DNAJC3: variants seen among roughly 807,000 people sequenced by gnomAD.
DNAJC3 encodes the protein dnaJ homolog subfamily C member 3.
In DNAJC3, 38 loss-of-function variants were observed where a neutral mutation model predicts 68.6. The observed-to-expected ratio is 0.55, with a 90% CI of 0.43 to 0.73. DNAJC3 has a LOEUF of 0.73. DNAJC3 is among the 30% of genes least tolerant of loss of function. The pLI, the probability that DNAJC3 is intolerant of heterozygous loss-of-function variation, is 0.00. For missense variants in DNAJC3, 526 were observed against 591.9 expected, an observed-to-expected ratio of 0.89 and a Z score of 1.16; for synonymous variants, 203 against 204.0, an observed-to-expected ratio of 1.00 and a Z score of 0.04.
intron 4 of DNAJC3, among the ~76,000 whole-genome samples, chr13:95,755,743 C>T (rs57164385): frequency 0.016 from 1,783 of 113,140 alleles, 45 homozygotes; most frequent in African/African-American, 0.06. Context: ...GGTGACAGAG[C>T]GAGACGCCGT....
At chr13:95,729,203 T>TTTCTC (rs1881625703) in intron 4 of DNAJC3, among the ~76,000 whole-genome samples, 6 of 113,906 alleles carry the variant, frequency 5.3e-5, no homozygotes, top group African/African-American at 1.9e-4. Context: ...CTCTCTCTCT[T>TTTCTC]TCTCTCTCTC....
chr13:95,760,369 T>C (rs1882787407), intron 6 of DNAJC3, 148 bp downstream of exon 6: 1 of 821,538 alleles, frequency 1.2e-6, no homozygotes, highest in Non-Finnish European at 1.7e-6. Context: ...ATATTTTGTG[T>C]TATTCCCAAG....
Position 95,785,929 on chromosome 13 carries a change from AT to A in DNAJC3, c.1076-6del. ...GCCTTAACAATATTATCTTAAACAT[AT>A]TTTGACAGCTATTCAGGATTATGAA... On this transcript the variant is annotated splice_polypyrimidine_tract_variant and intron_variant, in intron 9 of 11. Transcript: ENST00000602402. The A allele has an allele frequency of 6.3e-7, 1 of 1,575,158 alleles. No individual in the cohort carries two copies. The highest frequency in any genetic ancestry group is 8.6e-7 in the Non-Finnish European group (1 of 1,167,218).
chr13:95,779,285 G>A (rs1251907074), intron 9 of DNAJC3, among the ~76,000 whole-genome samples: 3 of 151,400 alleles, frequency 2.0e-5, no homozygotes, highest in South Asian at 2.1e-4. Context: ...CACCATACCC[G>A]GCTAATTTTT....
At chr13:95,770,599 G>A (rs544796995) in intron 9 of DNAJC3, among the ~76,000 whole-genome samples, 22 of 152,230 alleles carry the variant, frequency 1.4e-4, no homozygotes, top group South Asian at 4.2e-4. Context: ...GACAAATTAC[G>A]TCCCCTGTAT....
chr13:95,678,301 A>T (rs1402072428), intron 1 of DNAJC3, among the ~76,000 whole-genome samples: 2 of 148,266 alleles, frequency 1.3e-5, no homozygotes, highest in African/African-American at 5.3e-5. Context: ...TGAGTATTCC[A>T]TTCAAAGGGA....
rs530361392 is a variant in DNAJC3, at chr13:95,698,598, G to A, written c.83-10629G>A. ...GGGGCTCGTGACTCTCAGTGCAGAT[G>A]CACAGTGTTGTCTGTCTCCAGGCCA... On this transcript the variant is annotated intron_variant, in intron 1 of 11. Coordinates refer to ENST00000602402, the MANE Select transcript of DNAJC3 (RefSeq NM_006260.5). Among the ~76,000 whole-genome samples the A allele has an allele frequency of 2.0e-5, 3 of 152,282 alleles. No homozygotes were observed. The South Asian group carries it at 6.2e-4, about 32-fold the overall frequency.
At chr13:95,769,377 G>C (rs1594018864) in intron 9 of DNAJC3, among the ~76,000 whole-genome samples, 1 of 152,170 alleles carries the variant, frequency 6.6e-6, no homozygotes, top group Non-Finnish European at 1.5e-5. Context: ...TTATGTGGAG[G>C]ACAAGGGGTA....
intron 4 of DNAJC3, among the ~76,000 whole-genome samples, chr13:95,746,324 A>T (rs1190581469): frequency 6.6e-6 from 1 of 152,198 alleles, no homozygotes; most frequent in Non-Finnish European, 1.5e-5. Context: ...AACTGATAAC[A>T]CTGATTACCT....
intron 1 of DNAJC3, among the ~76,000 whole-genome samples, chr13:95,704,049 A>G (rs910778088): frequency 5.9e-5 from 9 of 152,066 alleles, no homozygotes; most frequent in African/African-American, 2.2e-4. Flanking sequence ...ATTCGGATTC[A>G]TTTTTCCAAC....
intron 4 of DNAJC3, 113 bp from the exon 5 acceptor site, chr13:95,757,531 T>C: frequency 8.9e-7 from 1 of 1,126,756 alleles, no homozygotes; most frequent in Non-Finnish European, 1.2e-6. Context: ...AGTATCTCTT[T>C]ACCCTTTTTA....
intron 1 of DNAJC3, among the ~76,000 whole-genome samples, chr13:95,703,510 A>G (rs967898014): frequency 2.0e-5 from 3 of 152,250 alleles, no homozygotes; most frequent in Non-Finnish European, 2.9e-5. Flanking sequence ...CAGCTGGAAC[A>G]TATGCTTGGA....
At chr13:95,756,176 C>T (rs565570372) in intron 4 of DNAJC3, among the ~76,000 whole-genome samples, 144 of 152,312 alleles carry the variant, frequency 9.5e-4, no homozygotes, top group Non-Finnish European at 1.2e-3. Flanking sequence ...ATAGGAAACA[C>T]GTTATCAATA....
intron 4 of DNAJC3, among the ~76,000 whole-genome samples, chr13:95,743,928 A>T (rs567310998): frequency 3.3e-5 from 5 of 152,162 alleles, no homozygotes; most frequent in Non-Finnish European, 7.3e-5. Flanking sequence ...TTCTTTGTCA[A>T]AATTGTTTTA....
chr13:95,779,318 G>A (rs536793038), intron 9 of DNAJC3, among the ~76,000 whole-genome samples: 1 of 151,556 alleles, frequency 6.6e-6, no homozygotes, highest in Admixed American at 6.6e-5. Flanking sequence ...TAGAGACGGG[G>A]TTTCACCGTG....
chr13:95,782,490 G>A (rs982585116), intron 9 of DNAJC3, among the ~76,000 whole-genome samples: 2 of 152,040 alleles, frequency 1.3e-5, no homozygotes, highest in Non-Finnish European at 2.9e-5. Context: ...TTTAATGATC[G>A]CCATTCTAAC....
chr13:95,734,816 C>CT (rs34191057), intron 4 of DNAJC3, among the ~76,000 whole-genome samples: 22,068 of 137,690 alleles, frequency 0.16, 1,906 homozygotes, highest in African/African-American at 0.25. Flanking sequence ...TGTTGAAGCT[C>CT]TTTTTTTTTT....
chr13:95,765,409 TAAA>T (rs531346540), intron 9 of DNAJC3, among the ~76,000 whole-genome samples: 1,479 of 138,872 alleles, frequency 0.011, 30 homozygotes, highest in African/African-American at 0.037. Flanking sequence ...GCTTAGCTGT[TAAA>T]AAAAAAAAAA....
At chr13:95,722,406 CAT>C (rs1337404026) in intron 2 of DNAJC3, among the ~76,000 whole-genome samples, 1 of 152,082 alleles carries the variant, frequency 6.6e-6, no homozygotes, top group Admixed American at 6.5e-5. Flanking sequence ...CACCAATGTG[CAT>C]AGTCCACATT....
Sources: gnomAD v4.1 joint callset for allele counts (sites outside exome capture counted in the v4.1 genomes callset) on GRCh38, gnomAD v4.1.1 for gene constraint, MANE v1.5 for transcripts, NCBI Gene and HGNC (gene_info 2026-07-23, HGNC 2026-07-21) for gene names.